The following TIMP3 variants were observed in gnomAD, a reference collection of about 807,000 sequenced individuals.
The protein encoded by TIMP3 is TIMP metallopeptidase inhibitor 3.
In TIMP3, 11 loss-of-function variants were observed where a neutral mutation model predicts 30.0. That is an observed-to-expected ratio of 0.37 (90% CI 0.23 to 0.61). TIMP3 has a LOEUF of 0.61. TIMP3 is among the 20% of genes least tolerant of loss of function. TIMP3 has a pLI of 0.70. For missense variants in TIMP3, 181 were observed against 276.8 expected (o/e 0.65, Z 2.45); for synonymous variants, 112 against 111.3 (o/e 1.01, Z -0.04).
At chr22:32,855,197 C>T (rs780600322) in intron 2 of TIMP3, among the ~76,000 whole-genome samples, 33 of 152,332 alleles carry the variant, frequency 2.2e-4, no homozygotes, top group Non-Finnish European at 4.3e-4. Flanking sequence ...GGTGCCCCAC[C>T]GCCCCCGTTA....
In TIMP3 at chr22:32,861,168, C is replaced by G. The variant is rs1375143197; in HGVS notation, c.*1791C>G. ...TAGGAAACAGAGCTGCCAATTGAAACAGAAGAAGAAAAAAAAAAAAAGCAG... is the reference window on the plus strand; with the variant it reads ...TAGGAAACAGAGCTGCCAATTGAAAGAGAAGAAGAAAAAAAAAAAAAGCAG... On this transcript the variant is annotated 3_prime_UTR_variant, in exon 5 of 5. Coordinates refer to ENST00000266085, the MANE Select transcript of TIMP3 (RefSeq NM_000362.5). 9.1e-6 allele frequency: 1 copy of G among 110,420 alleles called. No homozygotes were observed. The allele number at this position is 110,420 out of a possible 1,614,324, so 6.8% of individuals were successfully genotyped here. A position where few individuals can be genotyped will look rare whatever the true frequency, so the allele number is the denominator to read the frequency against.
At chr22:32,835,441 A>G (rs2047703126) in intron 1 of TIMP3, among the ~76,000 whole-genome samples, 3 of 152,118 alleles carry the variant, frequency 2.0e-5, no homozygotes, top group African/African-American at 7.2e-5. Flanking sequence ...TGAGAATACA[A>G]AACAGGGGTT....
intron 2 of TIMP3, among the ~76,000 whole-genome samples, chr22:32,853,523 G>T (rs2048281075): frequency 6.6e-6 from 1 of 152,108 alleles, no homozygotes; most frequent in Non-Finnish European, 1.5e-5. Context: ...TACTTTATTT[G>T]TCCCTTCACT....
intron 1 of TIMP3, among the ~76,000 whole-genome samples, chr22:32,811,190 A>G (rs1045450742): frequency 6.6e-6 from 1 of 152,136 alleles, no homozygotes; most frequent in East Asian, 1.9e-4. Flanking sequence ...CAGGGAAGGC[A>G]TGTCTGGAGA....
chr22:32,842,162 C>T (rs74438510), intron 1 of TIMP3, among the ~76,000 whole-genome samples: 2 of 152,156 alleles, frequency 1.3e-5, no homozygotes, highest in African/African-American at 2.4e-5. Context: ...AACAGGGCAG[C>T]GACTTCACCC....
At chr22:32,806,578 C>G (rs1238689096) in intron 1 of TIMP3, among the ~76,000 whole-genome samples, 1 of 152,188 alleles carries the variant, frequency 6.6e-6, no homozygotes, top group African/African-American at 2.4e-5. Context: ...ACTCCTTCCT[C>G]TGGGGCTTGT....
rs148261331 is a variant in TIMP3 at position 32,861,565 on chromosome 22, C to T, written c.*2188C>T. ...CTTCTCTGTGAGGCATCTGGCCATT[C>T]GCACTCCCTGGTGTGGTCAGCCTCT... On this transcript the variant is annotated 3_prime_UTR_variant, in exon 5 of 5. Coordinates refer to ENST00000266085, the MANE Select transcript of TIMP3 (RefSeq NM_000362.5). 6.9e-4 allele frequency: 106 copies of T among 152,632 alleles called. No individual in the cohort carries two copies. The highest frequency in any genetic ancestry group is 2.3e-3 in the African/African-American group (94 of 41,572). 9.5% of individuals were successfully genotyped at this position (152,632 alleles called of 1,614,324 possible). A position where few individuals can be genotyped will look rare whatever the true frequency, so the allele number is the denominator to read the frequency against.
chr22:32,838,957 G>T (rs968945646), intron 1 of TIMP3, among the ~76,000 whole-genome samples: 1 of 151,566 alleles, frequency 6.6e-6, no homozygotes, highest in Non-Finnish European at 1.5e-5. Context: ...CTGGAAGAAA[G>T]AGAGGAAAGC....
At chr22:32,819,994 A>G (rs2047190228) in intron 1 of TIMP3, among the ~76,000 whole-genome samples, 2 of 151,868 alleles carry the variant, frequency 1.3e-5, no homozygotes, top group African/African-American at 4.9e-5. Flanking sequence ...TGTTTGTTTT[A>G]GAGCCCAAGG....
At chr22:32,823,821 C>T (rs961772092) in intron 1 of TIMP3, among the ~76,000 whole-genome samples, 10 of 152,106 alleles carry the variant, frequency 6.6e-5, no homozygotes, top group African/African-American at 2.4e-4. Flanking sequence ...GTCACTCTGC[C>T]TCCAGAGCCC....
intron 1 of TIMP3, among the ~76,000 whole-genome samples, chr22:32,814,025 G>A (rs2046988587): frequency 6.6e-6 from 1 of 151,538 alleles, no homozygotes; most frequent in African/African-American, 2.4e-5. Flanking sequence ...ATTGCCTGAT[G>A]TTAGTAGGCA....
chr22:32,830,627 T>A (rs1052685898), intron 1 of TIMP3, among the ~76,000 whole-genome samples: 21 of 152,160 alleles, frequency 1.4e-4, no homozygotes, highest in African/African-American at 5.1e-4. Context: ...AAAGGAATTC[T>A]CGTTGGAAAA....
In TIMP3 at chr22:32,837,747, A is replaced by T. The variant is rs984157579; in HGVS notation, c.122-11705A>T. On this transcript the variant is annotated intron_variant, in intron 1 of 4. Coordinates refer to ENST00000266085, the MANE Select transcript of TIMP3 (RefSeq NM_000362.5). This position sits in a 1 kb window ranked among gnomAD's most constrained non-coding sequence, Gnocchi z 4.1. ...GGCAGTGACAGAGTGATAAGTCTTT[A>T]TCACTAGCCTCAGGGAGTAGAAGCC... Among the ~76,000 whole-genome samples, 5 of 152,096 alleles carry T rather than the reference A, an allele frequency of 3.3e-5. No homozygotes were observed. The highest frequency in any genetic ancestry group is 1.2e-4 in the African/African-American group (5 of 41,402).
At chr22:32,831,482 C>T (rs1395754008) in intron 1 of TIMP3, among the ~76,000 whole-genome samples, 1 of 152,126 alleles carries the variant, frequency 6.6e-6, no homozygotes, top group Non-Finnish European at 1.5e-5. Flanking sequence ...TGGCTGTGCA[C>T]ATCTCCACTT....
At chr22:32,805,040 T>C (rs141237059) in intron 1 of TIMP3, among the ~76,000 whole-genome samples, 7 of 134,586 alleles carry the variant, frequency 5.2e-5, no homozygotes, top group East Asian at 4.2e-4. Context: ...TGTGTGTGTG[T>C]GCGCGTGTGT....
At chr22:32,835,218 A>G (rs1314242408) in intron 1 of TIMP3, among the ~76,000 whole-genome samples, 12 of 152,196 alleles carry the variant, frequency 7.9e-5, no homozygotes, top group African/African-American at 2.4e-5. Flanking sequence ...GAAGCAATCA[A>G]TAAGGGCCAA....
chr22:32,855,502 C>A (rs2048338414), intron 2 of TIMP3, among the ~76,000 whole-genome samples: 1 of 152,160 alleles, frequency 6.6e-6, no homozygotes, highest in South Asian at 2.1e-4. Context: ...CCTAGCCCTG[C>A]CATTTCCCAA....
chr22:32,805,897 C>T (rs1252288182), intron 1 of TIMP3, among the ~76,000 whole-genome samples: 1 of 151,742 alleles, frequency 6.6e-6, no homozygotes, highest in South Asian at 2.1e-4. Flanking sequence ...ATGAAGATAG[C>T]CAAAATGGCC....
chr22:32,849,305 T>A, intron 1 of TIMP3, 147 bp from the exon 2 acceptor site: 1 of 704,810 alleles, frequency 1.4e-6, no homozygotes, highest in Non-Finnish European at 2.5e-6. Flanking sequence ...ATTCCCACTC[T>A]TGTAAACACA....
Sources: allele counts gnomAD v4.1 joint callset (sites outside exome capture counted in the v4.1 genomes callset), GRCh38; gene constraint gnomAD v4.1.1; non-coding constraint Gnocchi (gnomAD v3.1); transcripts MANE v1.5; gene names NCBI Gene and HGNC (gene_info 2026-07-23, HGNC 2026-07-21).